The following PCDHA9 variants were observed in gnomAD, a reference collection of about 807,000 sequenced individuals.
PCDHA9 encodes the protein protocadherin alpha 9.
In PCDHA9, 62 loss-of-function variants were observed where a neutral mutation model predicts 62.0. The observed-to-expected ratio is 1.00, with a 90% CI of 0.81 to 1.23. The LOEUF (loss-of-function observed/expected upper bound fraction) is 1.23. Ranked by LOEUF, PCDHA9 falls within the 50% of genes most tolerant of loss-of-function variation. The pLI is 0.00. For missense variants in PCDHA9, 1,205 were observed against 1,249.8 expected, an observed-to-expected ratio of 0.96 and a Z score of 0.54; for synonymous variants, 557 against 567.6, an observed-to-expected ratio of 0.98 and a Z score of 0.27.
intron 1 of PCDHA9, among the ~76,000 whole-genome samples, chr5:140,881,841 C>T (rs1386401088): frequency 6.6e-6 from 1 of 152,182 alleles, no homozygotes; most frequent in East Asian, 1.9e-4. Context: ...GCATGGAATT[C>T]TTACACATGG....
chr5:141,006,680 G>A (rs1449792614), intron 3 of PCDHA9, among the ~76,000 whole-genome samples: 5 of 152,036 alleles, frequency 3.3e-5, no homozygotes, highest in African/African-American at 1.2e-4. Flanking sequence ...AGTGAAAATT[G>A]GGAGAAGAGG....
intron 1 of PCDHA9, among the ~76,000 whole-genome samples, chr5:140,953,052 C>T (rs2094839858): frequency 6.6e-6 from 1 of 152,206 alleles, no homozygotes; most frequent in Non-Finnish European, 1.5e-5. Flanking sequence ...ATCCAATCAC[C>T]TCTCACAGGC....
chr5:140,863,047 C>G (rs1554157583), intron 1 of PCDHA9: 1 of 560,866 alleles, frequency 1.8e-6, no homozygotes. Flanking sequence ...TGTCAGCTGG[C>G]AGCACCCGTT....
intron 1 of PCDHA9, among the ~76,000 whole-genome samples, chr5:140,922,956 T>G (rs2081088317): frequency 6.6e-6 from 1 of 152,236 alleles, no homozygotes; most frequent in Non-Finnish European, 1.5e-5. Context: ...CCAGTTTGTC[T>G]TCAGCCAGTG....
intron 1 of PCDHA9, chr5:140,856,917 G>T: frequency 6.3e-7 from 1 of 1,595,592 alleles, no homozygotes; most frequent in South Asian, 1.1e-5. Flanking sequence ...ACGATAAGAA[G>T]GAAATTTTGG....
intron 1 of PCDHA9, chr5:140,871,714 T>G (rs938500670): frequency 2.5e-6 from 2 of 805,644 alleles, no homozygotes; most frequent in African/African-American, 3.5e-5. Context: ...AATGTCCTAT[T>G]TCTCTTAATA....
chr5:140,993,891 C>G (rs2097585722), intron 3 of PCDHA9, among the ~76,000 whole-genome samples: 1 of 152,096 alleles, frequency 6.6e-6, no homozygotes. Flanking sequence ...CTATGATGTC[C>G]ATACAACAAA....
At chr5:140,877,655 C>T (rs868936879) in intron 1 of PCDHA9, 4 of 1,613,562 alleles carry the variant, frequency 2.5e-6, no homozygotes, top group South Asian at 2.2e-5. Context: ...GCGCCGCCCA[C>T]CGTGAGCCGG....
chr5:140,911,778 A>G (rs2075636196), intron 1 of PCDHA9, among the ~76,000 whole-genome samples: 1 of 152,228 alleles, frequency 6.6e-6, no homozygotes, highest in Admixed American at 6.5e-5. Flanking sequence ...TACAGTCCTT[A>G]GCATTTTTGG....
intron 3 of PCDHA9, among the ~76,000 whole-genome samples, chr5:140,998,727 G>T (rs2097831761): frequency 6.6e-6 from 1 of 152,076 alleles, no homozygotes; most frequent in African/African-American, 2.4e-5. Flanking sequence ...ACCACGCTAG[G>T]CTAATTTTGT....
At chr5:140,937,829 A>G (rs1305110198) in intron 1 of PCDHA9, among the ~76,000 whole-genome samples, 2 of 148,988 alleles carry the variant, frequency 1.3e-5, no homozygotes, top group African/African-American at 2.5e-5. Context: ...GGAGAATGGC[A>G]TGAACCTGGA....
chr5:140,999,332 T>TTATAA (rs1554256746), intron 3 of PCDHA9, among the ~76,000 whole-genome samples: 1 of 152,222 alleles, frequency 6.6e-6, no homozygotes, highest in Non-Finnish European at 1.5e-5. Flanking sequence ...TCTGTGTGAT[T>TTATAA]TATAAGCCTT....
intron 1 of PCDHA9, chr5:140,884,342 G>T (rs782616190): frequency 6.2e-7 from 1 of 1,613,902 alleles, no homozygotes; most frequent in Admixed American, 1.7e-5. Flanking sequence ...TCCAGAAGCG[G>T]CGCTGGTGGA....
intron 1 of PCDHA9, chr5:140,856,826 G>A (rs370105926): frequency 3.8e-6 from 6 of 1,592,454 alleles, no homozygotes; most frequent in Non-Finnish European, 4.3e-6. Flanking sequence ...CCAAACATTA[G>A]TAATACGGCT....
At chr5:140,929,322 C>T in intron 1 of PCDHA9, 1 of 1,540,684 alleles carries the variant, frequency 6.5e-7, no homozygotes, top group Non-Finnish European at 8.8e-7. Context: ...ATGTCAATGC[C>T]ATGGTAAGCA....
At chr5:140,976,528 A>G (rs1238458657) in intron 1 of PCDHA9, among the ~76,000 whole-genome samples, 1 of 152,112 alleles carries the variant, frequency 6.6e-6, no homozygotes, top group East Asian at 1.9e-4. Flanking sequence ...ACCAGCCTAA[A>G]TGACAGAGTA....
At chr5:140,874,174 G>A (rs2054753797) in intron 1 of PCDHA9, among the ~76,000 whole-genome samples, 1 of 152,292 alleles carries the variant, frequency 6.6e-6, no homozygotes, top group East Asian at 1.9e-4. Context: ...CTTTCCTGGT[G>A]TTGTAAAGGT....
At chr5:140,966,925 A>T in intron 1 of PCDHA9, 8 of 1,603,462 alleles carry the variant, frequency 5.0e-6, no homozygotes, top group African/African-American at 1.3e-5. Context: ...AGGAGCAGGC[A>T]CCCGGCGCGC....
At chr5:140,990,778 T>C (rs2097414170) in intron 3 of PCDHA9, among the ~76,000 whole-genome samples, 1 of 152,208 alleles carries the variant, frequency 6.6e-6, no homozygotes, top group South Asian at 2.1e-4. Flanking sequence ...GGCTCTGTGT[T>C]GGACGATGAA....
Sources: gnomAD v4.1 joint callset for allele counts (sites outside exome capture counted in the v4.1 genomes callset) on GRCh38, gnomAD v4.1.1 for gene constraint, MANE v1.5 for transcripts, NCBI Gene and HGNC (gene_info 2026-07-23, HGNC 2026-07-21) for gene names.